Variants in CASP8 observed in about 807,000 individuals in gnomAD.
CASP8 encodes the protein caspase-8.
CASP8 carries 24 observed loss-of-function variants against 46.3 expected under a neutral mutation model. The ratio of observed to expected loss-of-function variants is 0.52; its 90% confidence interval spans 0.38 to 0.73. The LOEUF is 0.73. Among genes scored for constraint, CASP8 ranks in the 30% least tolerant of loss-of-function variants. CASP8 has a pLI of 0.00. For missense variants in CASP8, 460 were observed against 559.0 expected (o/e 0.82, Z 1.79); for synonymous variants, 188 against 200.4 (o/e 0.94, Z 0.52).
At chr2:201,234,559 C>T (rs996694870) in intron 2 of CASP8, among the ~76,000 whole-genome samples, 1 of 151,908 alleles carries the variant, frequency 6.6e-6, no homozygotes, top group Non-Finnish European at 1.5e-5. Context: ...AGGTGATTCT[C>T]GTGTCTCAGC....
intron 2 of CASP8, among the ~76,000 whole-genome samples, chr2:201,238,676 C>T (rs1215551920): frequency 1.3e-5 from 2 of 152,172 alleles, no homozygotes; most frequent in East Asian, 3.9e-4. Context: ...CTCCTGGCCT[C>T]AAGTAATCTG....
Position 201,285,042 on chromosome 2 carries a change from G to A in CASP8, c.1029G>A (p.Leu343=), listed in dbSNP as rs2125483532. Residue 343 remains leucine (L), a synonymous_variant, in exon 8 of 9, where the codon TTG becomes TTA. Coordinates refer to ENST00000673742, the MANE Select transcript of CASP8 (RefSeq NM_001372051.1). ...AGCTGACATCTCAGTTCACTGGTTT[G>A]AAGTGCCCTTCCCTTGCTGGAAAAC... is the stretch of plus-strand genomic sequence containing the variant. ...IYELTSQFTG[L]KCPSLAGKPK... The A allele has an allele frequency of 6.2e-7, 1 of 1,614,190 alleles. No individual in the cohort carries two copies. Among genetic ancestry groups the A allele is most frequent in the Non-Finnish European group, 8.5e-7 (1 of 1,180,040 alleles).
chr2:201,259,064 G>A (rs1467074658), upstream of CASP8, among the ~76,000 whole-genome samples: 1 of 152,166 alleles, frequency 6.6e-6, no homozygotes, highest in Non-Finnish European at 1.5e-5. Context: ...GTGACTGTGA[G>A]GCTTGAAGGA....
chr2:201,266,918 G>A lies in CASP8; in HGVS notation c.305+127G>A, dbSNP rs34978604. The A allele has an allele frequency of 1.7e-3, 1,116 of 652,586 alleles. 3 individuals carry two copies. Among genetic ancestry groups the A allele is most frequent in the Middle Eastern group, 9.9e-3 (24 of 2,428 alleles). The allele number at this position is 652,586 out of a possible 1,614,324, so 40.4% of individuals were successfully genotyped here. On this transcript the variant is annotated intron_variant, in intron 2 of 8. Transcript: ENST00000673742. The surrounding 1 kb of genome is among the most constrained non-coding windows in gnomAD (Gnocchi z 5.7). ...GAACCCAGCAGTGCCACAATTCTAA[G>A]CTTCTACAGAAAGACAGTAGTGCCT...
chr2:201,286,830 A>G lies in CASP8; in HGVS notation c.*236A>G, dbSNP rs1023159290. On this transcript the variant is annotated 3_prime_UTR_variant, in exon 9 of 9. Coordinates refer to ENST00000673742, the MANE Select transcript of CASP8 (RefSeq NM_001372051.1). ...GAGACAGGGTTTCACTGTGTTAGCCAGGGTGGTCTTGATCTCCTGACCTCG... is the reference window on the plus strand; with the variant it reads ...GAGACAGGGTTTCACTGTGTTAGCCGGGGTGGTCTTGATCTCCTGACCTCG... The G allele has an allele frequency of 9.5e-6, 4 of 419,880 alleles. No individual in the cohort carries two copies. The highest frequency in any genetic ancestry group is 1.8e-5 in the Non-Finnish European group (4 of 223,122). 26.0% of individuals were successfully genotyped at this position (419,880 alleles called of 1,614,324 possible).
In CASP8 at chr2:201,286,680, A is replaced by C; in HGVS notation, c.*86A>C. ...GCCCAGGCTGGAGTGCAGTGGCGTG[A>C]TCTCGGCTCACCGCAAGCTCCGCCT... On this transcript the variant is annotated 3_prime_UTR_variant, in exon 9 of 9. Transcript: ENST00000673742. 8.5e-7 allele frequency: 1 copy of C among 1,180,446 alleles called. No individual in the cohort carries two copies. The highest frequency in any genetic ancestry group is 1.2e-6 in the Non-Finnish European group (1 of 819,498). 73.1% of individuals were successfully genotyped at this position (1,180,446 alleles called of 1,614,324 possible). A position where few individuals can be genotyped will look rare whatever the true frequency, so the allele number is the denominator to read the frequency against.
At chr2:201,247,867 A>G (rs1383311163) in intron 2 of CASP8, among the ~76,000 whole-genome samples, 6 of 152,096 alleles carry the variant, frequency 3.9e-5, no homozygotes, top group Non-Finnish European at 5.9e-5. Flanking sequence ...GATAGTCTCG[A>G]TCTCCTGACC....
At chr2:201,257,613 G>C (rs568607822), upstream of CASP8, among the ~76,000 whole-genome samples, 9 of 152,336 alleles carry the variant, frequency 5.9e-5, no homozygotes, top group Non-Finnish European at 2.9e-5. Context: ...GGAGAACATG[G>C]CCAAGGATGG....
intron 2 of CASP8, among the ~76,000 whole-genome samples, chr2:201,271,204 C>T (rs1948221640): frequency 6.6e-6 from 1 of 151,110 alleles, no homozygotes; most frequent in Admixed American, 6.6e-5. Flanking sequence ...AAAGGCAAAG[C>T]ATTTTGCTAT....
chr2:201,267,994 T>C (rs1947945200), intron 2 of CASP8, among the ~76,000 whole-genome samples: 1 of 152,202 alleles, frequency 6.6e-6, no homozygotes, highest in African/African-American at 2.4e-5. Flanking sequence ...TGGCATGATC[T>C]CGGCTCACTG....
At chr2:201,248,259 T>C (rs1463105469) in intron 2 of CASP8, among the ~76,000 whole-genome samples, 1 of 152,128 alleles carries the variant, frequency 6.6e-6, no homozygotes, top group Non-Finnish European at 1.5e-5. Context: ...CCACGACCTG[T>C]GGGTGGATCG....
chr2:201,255,220 C>A (rs1420545787), intron 2 of CASP8, among the ~76,000 whole-genome samples: 1 of 152,124 alleles, frequency 6.6e-6, no homozygotes, highest in African/African-American at 2.4e-5. Context: ...AGACTACAGG[C>A]ACATGCCACC....
intron 2 of CASP8, among the ~76,000 whole-genome samples, chr2:201,250,945 G>A (rs955090504): frequency 1.3e-5 from 2 of 152,192 alleles, no homozygotes; most frequent in Admixed American, 6.5e-5. Flanking sequence ...CCTCCCCTGA[G>A]TCCCTGGCAA....
rs2125483303 is a variant in CASP8, at chr2:201,285,035, C to A, written c.1022C>A (p.Thr341Asn). The A allele has an allele frequency of 1.2e-6, 2 of 1,614,208 alleles. No individual in the cohort carries two copies. The highest frequency in any genetic ancestry group is 1.7e-6 in the Non-Finnish European group (2 of 1,180,046). ...APIYELTSQFTGLKCPSLAGK... is the reference protein window; with the variant it reads ...APIYELTSQFNGLKCPSLAGK... ...ATCTATGAGCTGACATCTCAGTTCA[C>A]TGGTTTGAAGTGCCCTTCCCTTGCT... The change falls in exon 8 of 9, where the codon ACT (threonine) becomes AAT (asparagine). Residue 341 changes from threonine (T) to asparagine (N), a missense_variant. By Grantham distance (65) the Thr-to-Asn change is moderately conservative. Transcript: ENST00000673742.
chr2:201,262,380 CAT>C (rs1321646315), intron 1 of CASP8: 5 of 151,204 alleles, frequency 3.3e-5, no homozygotes, highest in Non-Finnish European at 7.4e-5. Flanking sequence ...ATTATAAACA[CAT>C]ATTTATATTT....
chr2:201,236,030 G>A (rs1276198159), intron 2 of CASP8, among the ~76,000 whole-genome samples: 3 of 152,162 alleles, frequency 2.0e-5, no homozygotes, highest in Non-Finnish European at 4.4e-5. Context: ...GCATAATGAC[G>A]AAATCACTGA....
intron 7 of CASP8, among the ~76,000 whole-genome samples, chr2:201,280,762 T>C (rs1351518889): frequency 1.3e-5 from 2 of 152,158 alleles, no homozygotes; most frequent in Non-Finnish European, 2.9e-5. Context: ...AGCCAGTTGG[T>C]ATTACAGCAG....
chr2:201,249,386 A>G (rs1946674647), intron 2 of CASP8, among the ~76,000 whole-genome samples: 1 of 152,246 alleles, frequency 6.6e-6, no homozygotes, highest in Admixed American at 6.5e-5. Context: ...AGAGTGTGAG[A>G]CTTTAAAAAA....
intron 2 of CASP8, among the ~76,000 whole-genome samples, chr2:201,244,388 A>T (rs1386125830): frequency 6.6e-6 from 1 of 152,186 alleles, no homozygotes; most frequent in African/African-American, 2.4e-5. Context: ...ATTCTGTAGG[A>T]GAGAGAGAAG....
Sources: allele counts gnomAD v4.1 joint callset (sites outside exome capture counted in the v4.1 genomes callset), GRCh38; gene constraint gnomAD v4.1.1; non-coding constraint Gnocchi (gnomAD v3.1); transcripts MANE v1.5; gene names NCBI Gene and HGNC (gene_info 2026-07-23, HGNC 2026-07-21).